MFN2: variants seen among roughly 807,000 people sequenced by gnomAD.
MFN2 encodes mitofusin-2.
MFN2 carries 43 observed loss-of-function variants against 87.5 expected under a neutral mutation model. The ratio of observed to expected loss-of-function variants is 0.49; its 90% CI spans 0.38 to 0.63. MFN2 has a LOEUF of 0.63. Among genes scored for constraint, MFN2 ranks in the 30% least tolerant of loss-of-function variants. The pLI is 0.00. For synonymous variants in MFN2, 337 were observed against 359.9 expected (o/e 0.94, Z 0.72); for missense variants, 743 against 972.8 (o/e 0.76, Z 3.14).
At chr1:12,007,032 G>C in intron 16 of MFN2, 21 bp from the exon 17 acceptor site, 1 of 1,612,732 alleles carries the variant, frequency 6.2e-7, no homozygotes, top group Non-Finnish European at 8.5e-7. Flanking sequence ...CTGCACTCCA[G>C]GCTGACCATG....
intron 16 of MFN2, 107 bp downstream of exon 16, chr1:12,006,800 C>A: frequency 1.3e-6 from 2 of 1,486,542 alleles, no homozygotes; most frequent in Non-Finnish European, 1.9e-6. Context: ...CTCCACAGTC[C>A]ACTGCATACT....
Position 12,007,283 on chromosome 1 carries a change from TC to T in MFN2, c.2069+36del, listed in dbSNP as rs1388578590. On this transcript the variant is annotated intron_variant, in intron 17 of 18. Transcript: ENST00000235329. ...CCCTGTCGGACCCCAGCAGGGGACT[TC>T]CTTTAGGCAGGGTCAGCCCCATCTC... The T allele has an allele frequency of 5.0e-6, 8 of 1,606,518 alleles. No individual in the cohort carries two copies. In the Admixed American group the frequency reaches 1.2e-4, roughly 24 times the overall value.
Position 12,011,559 on chromosome 1 carries a change from C to A in MFN2, c.2268C>A (p.Ser756Arg). The A allele has an allele frequency of 6.2e-7, 1 of 1,614,084 alleles. No individual in the cohort carries two copies. Among genetic ancestry groups the A allele is most frequent in the African/African-American group, 1.3e-5 (1 of 75,048 alleles). ...NMFTHQYLQPSR is the reference protein window; with the variant it reads ...NMFTHQYLQPRR The stretch of plus-strand genomic sequence containing the variant: ...TCACACACCAGTACCTGCAGCCCAG[C>A]AGATAGTGGGCACCTGAGGCGGAGT... The change falls in exon 19 of 19, where the codon AGC becomes AGA. Residue 756 changes from serine to arginine, a missense_variant. This residue lies in a region of MFN2 where 571 missense variants were observed against 670.7 expected (regional missense o/e 0.85). Transcript: ENST00000235329.
intron 2 of MFN2, 70 bp from the exon 3 acceptor site, chr1:11,989,095 C>T: frequency 2.6e-6 from 4 of 1,536,420 alleles, no homozygotes; most frequent in Non-Finnish European, 3.6e-6. Context: ...CCAAAGCATT[C>T]CGCCATCTCC....
rs115054993 is a variant in MFN2 at position 12,001,941 on chromosome 1, C to G, written c.1039-41C>G. ...GAGTCTGGCCCTTGGTTGTAGGCCC[C>G]TGGTGGCCCCCACCTCCCTCCGTGC... On this transcript the variant is annotated intron_variant, in intron 10 of 18. Transcript: ENST00000235329. The G allele has an allele frequency of 2.4e-3, 3,913 of 1,614,170 alleles. 55 individuals carry two copies. The African/African-American group carries it at 0.043, about 18-fold the overall frequency.
Position 12,006,636 on chromosome 1 carries a change from C to T in MFN2, c.1815C>T (p.Thr605=), listed in dbSNP as rs751029047. ...AGGAGTTCATGGTTTCCATGGTTAC[C>T]GGCCTGGCCTCCTTGACATCCAGGA... The part of the protein sequence containing the change: ...TQEEFMVSMV[T]GLASLTSRTS... Residue 605 remains threonine, a synonymous_variant, in exon 16 of 19, where the codon ACC becomes ACT. Coordinates refer to ENST00000235329, the MANE Select transcript of MFN2 (RefSeq NM_014874.4). 18 of 1,613,980 alleles carry T rather than the reference C, an allele frequency of 1.1e-5. No individual in the cohort carries two copies. The East Asian group carries it at 2.5e-4, about 22-fold the overall frequency.
Position 12,004,370 on chromosome 1 carries a change from G to C in MFN2, c.1288-139G>C. The C allele has an allele frequency of 1.1e-6, 1 of 943,468 alleles. No individual in the cohort carries two copies. The highest frequency in any genetic ancestry group is 1.7e-6 in the Non-Finnish European group (1 of 574,642). The allele number at this position is 943,468 out of a possible 1,614,324, so 58.4% of individuals were successfully genotyped here. A position where few individuals can be genotyped will look rare whatever the true frequency, so the allele number is the denominator to read the frequency against. On this transcript the variant is annotated intron_variant, in intron 12 of 18. Transcript: ENST00000235329. The surrounding 1 kb of genome is among the most constrained non-coding windows in gnomAD (Gnocchi z 4.2). The stretch of plus-strand genomic sequence containing the variant: ...GTTTCCCAGACCCTCTCACTTCAGA[G>C]GCTTTAATTCCATAGAGGAGCTGAG...
chr1:11,988,045 G>A (rs1638498929), intron 2 of MFN2, among the ~76,000 whole-genome samples: 1 of 151,696 alleles, frequency 6.6e-6, no homozygotes, highest in Admixed American at 6.6e-5. Flanking sequence ...CAAATTTTCT[G>A]TAGCACACCT....
chr1:11,997,993 C>G (rs1439913672), intron 6 of MFN2, among the ~76,000 whole-genome samples: 1 of 141,660 alleles, frequency 7.1e-6, no homozygotes, highest in Non-Finnish European at 1.5e-5. Context: ...AAGTGATTCT[C>G]CTGCCTCAGC....
chr1:11,989,403 G>T, intron 3 of MFN2, 60 bp downstream of exon 3: 1 of 1,583,536 alleles, frequency 6.3e-7, no homozygotes, highest in Non-Finnish European at 8.6e-7. Context: ...TAGCTAGTGG[G>T]ATTTGCGGGT....
intron 6 of MFN2, among the ~76,000 whole-genome samples, chr1:11,997,749 A>G (rs2100827499): frequency 6.6e-6 from 1 of 151,936 alleles, no homozygotes; most frequent in Non-Finnish European, 1.5e-5. Context: ...TCAGAGGTGT[A>G]TTTTATTTCC....
At chr1:11,994,771 C>T (rs1248101189) in intron 4 of MFN2, among the ~76,000 whole-genome samples, 1 of 152,116 alleles carries the variant, frequency 6.6e-6, no homozygotes, top group Non-Finnish European at 1.5e-5. Context: ...GAGGTATGAC[C>T]CCCTACTTAG....
At chr1:12,005,582 GGT>G (rs1252720697) in intron 14 of MFN2, 127 bp from the exon 15 acceptor site, 2 of 967,608 alleles carry the variant, frequency 2.1e-6, no homozygotes, top group South Asian at 2.6e-5. Flanking sequence ...ACTTGACTGG[GGT>G]GTGGTTCCCA....
Position 12,005,620 on chromosome 1 carries a change from A to C in MFN2, c.1496-91A>C. On this transcript the variant is annotated intron_variant, in intron 14 of 18. Coordinates refer to ENST00000235329, the MANE Select transcript of MFN2 (RefSeq NM_014874.4). Reference sequence around the variant, plus strand: ...GGCAAAGCTGTTCAGCATCCCTGGCAGTAGCTGGTAGAGCCCTGTCTCCAA... The same window carrying C: ...GGCAAAGCTGTTCAGCATCCCTGGCCGTAGCTGGTAGAGCCCTGTCTCCAA... The C allele has an allele frequency of 3.1e-6, 4 of 1,303,572 alleles. No individual in the cohort carries two copies. The South Asian group carries it at 3.6e-5, about 12-fold the overall frequency. 80.8% of individuals were successfully genotyped at this position (1,303,572 alleles called of 1,614,324 possible). A position where few individuals can be genotyped will look rare whatever the true frequency, so the allele number is the denominator to read the frequency against.
chr1:11,995,005 G>A (rs1216378846), intron 4 of MFN2, among the ~76,000 whole-genome samples: 1 of 152,136 alleles, frequency 6.6e-6, no homozygotes, highest in East Asian at 1.9e-4. Flanking sequence ...GCACTGGGAG[G>A]CTGAGGCAGG....
intron 10 of MFN2, 67 bp downstream of exon 10, chr1:12,001,903 G>C: frequency 6.2e-7 from 1 of 1,613,992 alleles, no homozygotes. Flanking sequence ...TGTGTCCCTG[G>C]CAGTGAAAAC....
Position 11,989,336 on chromosome 1 carries a change from C to T in MFN2, c.168C>T (p.Phe56=), listed in dbSNP as rs769831339. The change falls in exon 3 of 19, where the codon TTC becomes TTT. Residue 56 remains phenylalanine (F), a synonymous_variant. Coordinates refer to ENST00000235329, the MANE Select transcript of MFN2 (RefSeq NM_014874.4). ...CCTACATCCAGGAGAGCGCCACCTT[C>T]CTTGAAGGTAAGGGGGCACCGGCTC... ...LGAYIQESAT[F]LEDTYRNAEL... The T allele has an allele frequency of 1.2e-6, 2 of 1,613,978 alleles. No homozygotes were observed. The highest frequency in any genetic ancestry group is 3.3e-5 in the Admixed American group (2 of 59,984).
chr1:12,005,238 A>C (rs1278912449), intron 14 of MFN2, among the ~76,000 whole-genome samples: 1 of 152,066 alleles, frequency 6.6e-6, no homozygotes, highest in Non-Finnish European at 1.5e-5. Context: ...TGACCACCAC[A>C]CCTGGCTAAT....
At chr1:12,007,301 C>G (rs1287105290) in intron 17 of MFN2, 52 bp downstream of exon 17, 1 of 1,582,310 alleles carries the variant, frequency 6.3e-7, no homozygotes, top group South Asian at 1.1e-5. Flanking sequence ...GCAGGGTCAG[C>G]CCCATCTCCC....
Sources: allele counts gnomAD v4.1 joint callset (sites outside exome capture counted in the v4.1 genomes callset), GRCh38; gene constraint gnomAD v4.1.1; regional missense constraint gnomAD v4.1.1; non-coding constraint Gnocchi (gnomAD v3.1); transcripts MANE v1.5; gene names NCBI Gene and HGNC (gene_info 2026-07-23, HGNC 2026-07-21).